C1orf94: variants seen among roughly 807,000 people sequenced by gnomAD.
C1orf94 encodes chromosome 1 open reading frame 94, also known as uncharacterized protein C1orf94.
In C1orf94, 45 loss-of-function variants were observed where a neutral mutation model predicts 53.6. The ratio of observed to expected loss-of-function variants is 0.84; its 90% CI spans 0.66 to 1.08. C1orf94 has a LOEUF of 1.08. Ranked by LOEUF, C1orf94 falls within the 50% of genes least tolerant of loss-of-function variation. The pLI, the probability that C1orf94 is intolerant of heterozygous loss-of-function variation, is 0.00. For synonymous variants in C1orf94, 304 were observed against 296.1 expected, an observed-to-expected ratio of 1.03 and a Z score of -0.27; for missense variants, 762 against 738.9, an observed-to-expected ratio of 1.03 and a Z score of -0.36.
rs775330338 is a variant in C1orf94 at position 34,177,907 on chromosome 1, G to A, written c.118G>A (p.Gly40Ser). 23 of 1,551,566 alleles carry A rather than the reference G, an allele frequency of 1.5e-5. No homozygotes were observed. Among genetic ancestry groups the A allele is most frequent in the Non-Finnish European group, 2.0e-5 (23 of 1,146,984 alleles). ...TTCATCCTCGGCCCTGGTGGCCAAG[G>A]GCCCCTGCGCCCTGGGCCCATTCCC... Reference protein sequence around the residue: ...LPSSSALVAKGPCALGPFPRY... With the variant: ...LPSSSALVAKSPCALGPFPRY... The change falls in exon 1 of 7, where the codon GGC becomes AGC. Residue 40 changes from glycine to serine, a missense_variant. Gly to Ser is a moderately conservative substitution (Grantham distance 56, BLOSUM62 0). Transcript: ENST00000488417.
chr1:34,212,087 G>A (rs970898057), intron 5 of C1orf94, 123 bp from the exon 6 acceptor site: 2 of 786,798 alleles, frequency 2.5e-6, no homozygotes, highest in Non-Finnish European at 3.8e-6. Flanking sequence ...ATTCCAACAT[G>A]TTGCCTTCTG....
intron 1 of C1orf94, among the ~76,000 whole-genome samples, chr1:34,191,625 G>T (rs1034766804): frequency 1.3e-5 from 2 of 152,138 alleles, no homozygotes; most frequent in African/African-American, 4.8e-5. Context: ...ACTCTAATCC[G>T]CCAGGTTGCC....
In C1orf94 at chr1:34,177,863, C is replaced by T; in HGVS notation, c.74C>T (p.Ala25Val). 6.4e-7 allele frequency: 1 copy of T among 1,551,246 alleles called. No individual in the cohort carries two copies. Among genetic ancestry groups the T allele is most frequent in the Non-Finnish European group, 8.7e-7 (1 of 1,146,648 alleles). Residue 25 changes from alanine to valine, a missense_variant, in exon 1 of 7, where the codon GCC becomes GTC. Physicochemically the swap from Ala to Val is moderately conservative, Grantham distance 64 (BLOSUM62 0). Coordinates refer to ENST00000488417, the MANE Select transcript of C1orf94 (RefSeq NM_001134734.2). ...RGFQKERRRM[A>V]SGNGLPSSSA... ...TTCCAGAAAGAGAGGAGGAGGATGG[C>T]CAGCGGGAATGGGCTTCCTTCATCC... is the stretch of plus-strand genomic sequence containing the variant.
chr1:34,191,520 T>A (rs1642492568), intron 1 of C1orf94, among the ~76,000 whole-genome samples: 1 of 151,948 alleles, frequency 6.6e-6, no homozygotes, highest in African/African-American at 2.4e-5. Context: ...CATAGACACA[T>A]AATGGCAGAA....
intron 5 of C1orf94, 24 bp from the exon 6 acceptor site, chr1:34,212,186 C>T (rs764250198): frequency 6.3e-7 from 1 of 1,581,016 alleles, no homozygotes; most frequent in Non-Finnish European, 8.6e-7. Context: ...GTGACCTCAC[C>T]CCTCTCTTCT....
intron 1 of C1orf94, chr1:34,167,196 G>A (rs1642049008): frequency 6.6e-6 from 1 of 152,514 alleles, no homozygotes; most frequent in Admixed American, 6.5e-5. Context: ...TGGCCTTGGG[G>A]GCTGTTAGCT....
intron 4 of C1orf94, 104 bp downstream of exon 4, chr1:34,202,363 C>G: frequency 4.8e-6 from 6 of 1,256,470 alleles, no homozygotes; most frequent in Non-Finnish European, 5.5e-6. Flanking sequence ...TTAGACTCCT[C>G]TGAATCCCTT....
At position 34,200,915 on chromosome 1, in the gene C1orf94, A is replaced by G. The variant is rs764072490; in HGVS notation, c.1153A>G (p.Lys385Glu). The G allele has an allele frequency of 2.5e-6, 4 of 1,614,042 alleles. No individual in the cohort carries two copies. The African/African-American group carries it at 5.3e-5, about 22-fold the overall frequency. ...GTASLTLPPKKPTCPAEKNLL... is the reference protein window; with the variant it reads ...GTASLTLPPKEPTCPAEKNLL... ...CGCATCACTGACCCTGCCGCCCAAG[A>G]AACCTACATGTCCAGCCGAGAAGAA... Residue 385 changes from lysine (K) to glutamate (E), a missense_variant, in exon 3 of 7, where the codon AAA becomes GAA. Lys to Glu is a moderately conservative substitution (Grantham distance 56). Coordinates refer to ENST00000488417, the MANE Select transcript of C1orf94 (RefSeq NM_001134734.2).
At chr1:34,210,836 G>A (rs1395118189) in intron 5 of C1orf94, among the ~76,000 whole-genome samples, 1 of 151,990 alleles carries the variant, frequency 6.6e-6, no homozygotes, top group African/African-American at 2.4e-5. Flanking sequence ...TGTATTTTTG[G>A]TAGAGACAGG....
intron 1 of C1orf94, among the ~76,000 whole-genome samples, chr1:34,184,819 C>G (rs932468265): frequency 6.6e-6 from 1 of 151,736 alleles, no homozygotes; most frequent in Non-Finnish European, 1.5e-5. Flanking sequence ...TACATAGCCT[C>G]TTTTGTTTTT....
intron 4 of C1orf94, among the ~76,000 whole-genome samples, chr1:34,204,202 T>C (rs549014148): frequency 9.9e-5 from 15 of 152,208 alleles, no homozygotes; most frequent in Non-Finnish European, 7.4e-5. Flanking sequence ...ACAAACCTTA[T>C]GTCCTATTGG....
At position 34,177,230 on chromosome 1, in the gene C1orf94, G is replaced by C. The variant is rs1642241405; in HGVS notation, c.-560G>C. Among the ~76,000 whole-genome samples the C allele has an allele frequency of 1.3e-5, 2 of 152,058 alleles. No homozygotes were observed. The highest frequency in any genetic ancestry group is 1.3e-4 in the Admixed American group (2 of 15,286). On this transcript the variant is annotated 5_prime_UTR_variant, in exon 1 of 7. Coordinates refer to ENST00000488417, the MANE Select transcript of C1orf94 (RefSeq NM_001134734.2). ...TAGGGCGAGAGAAAAGCAGGACCTG[G>C]GCCGGGGGTGGGAGTCGGGCCGTTG...
intron 4 of C1orf94, among the ~76,000 whole-genome samples, chr1:34,206,493 G>T (rs1241209075): frequency 6.6e-6 from 1 of 152,214 alleles, no homozygotes; most frequent in African/African-American, 2.4e-5. Context: ...AGAGATCTTT[G>T]TGTATGATGC....
At chr1:34,203,640 G>C (rs1272900607) in intron 4 of C1orf94, among the ~76,000 whole-genome samples, 2 of 152,142 alleles carry the variant, frequency 1.3e-5, no homozygotes, top group African/African-American at 4.8e-5. Context: ...AGGTGGCTTG[G>C]CACACATTCT....
upstream of C1orf94, among the ~76,000 whole-genome samples, chr1:34,173,049 T>C (rs1290254587): frequency 6.6e-6 from 1 of 152,224 alleles, no homozygotes; most frequent in African/African-American, 2.4e-5. Flanking sequence ...CACATGGAAA[T>C]CAGTAAATAT....
At chr1:34,210,943 C>T (rs913460242) in intron 5 of C1orf94, among the ~76,000 whole-genome samples, 5 of 152,078 alleles carry the variant, frequency 3.3e-5, no homozygotes, top group Admixed American at 6.5e-5. Context: ...TGAGCCAACG[C>T]ACCCAGCCCC....
intron 6 of C1orf94, among the ~76,000 whole-genome samples, chr1:34,216,939 GTGTGA>G (rs2148624886): frequency 6.6e-6 from 1 of 152,228 alleles, no homozygotes; most frequent in African/African-American, 2.4e-5. Flanking sequence ...AATTAGCCAG[GTGTGA>G]TGGTGCACAC....
chr1:34,181,808 G>T (rs890398041), intron 1 of C1orf94, among the ~76,000 whole-genome samples: 1 of 152,202 alleles, frequency 6.6e-6, no homozygotes, highest in East Asian at 1.9e-4. Context: ...GTCAAGGAAG[G>T]CTTCTCTGAG....
chr1:34,208,714 G>T (rs529341168), intron 5 of C1orf94, among the ~76,000 whole-genome samples: 7 of 152,268 alleles, frequency 4.6e-5, no homozygotes, highest in Admixed American at 3.3e-4. Context: ...ATCAGGTTTA[G>T]GTGGGTTCCA....
Sources: gnomAD v4.1 joint callset for allele counts (sites outside exome capture counted in the v4.1 genomes callset) on GRCh38, gnomAD v4.1.1 for gene constraint, MANE v1.5 for transcripts, NCBI Gene and HGNC (gene_info 2026-07-23, HGNC 2026-07-21) for gene names.